The following DPF3 variants were observed in gnomAD, a reference collection of about 807,000 sequenced individuals.
DPF3 encodes the protein zinc finger protein DPF3.
A neutral mutation model predicts 56.8 loss-of-function variants in DPF3; 18 were observed. The observed-to-expected ratio is 0.32, with a 90% CI of 0.22 to 0.47. DPF3 has a LOEUF of 0.47. DPF3 is among the 20% of genes least tolerant of loss of function. The probability of loss-of-function intolerance (pLI) is 1.00; values close to 1 mark genes in which losing one functional copy is unlikely to be tolerated. For synonymous variants in DPF3, 188 were observed against 180.2 expected (o/e 1.04, Z -0.35); for missense variants, 403 against 488.8 (o/e 0.82, Z 1.65).
At chr14:72,723,595 C>T in intron 5 of DPF3, 38 bp downstream of exon 5, 1 of 1,527,706 alleles carries the variant, frequency 6.5e-7, no homozygotes, top group Non-Finnish European at 8.8e-7. Context: ...CCCCAGCCTC[C>T]CTCATCTCTT....
At chr14:72,624,727 A>G (rs1319986235) in intron 9 of DPF3, among the ~76,000 whole-genome samples, 1 of 152,034 alleles carries the variant, frequency 6.6e-6, no homozygotes, top group Non-Finnish European at 1.5e-5. Flanking sequence ...TCAATCTGTG[A>G]CAGTTCCTCA....
intron 6 of DPF3, among the ~76,000 whole-genome samples, chr14:72,711,508 G>T (rs2153575352): frequency 6.6e-6 from 1 of 152,292 alleles, no homozygotes; most frequent in East Asian, 1.9e-4. Flanking sequence ...CAGGGCATAA[G>T]TAAGGAGATA....
In DPF3 at chr14:72,618,058, A is replaced by ATT. The variant is rs564795126; in HGVS notation, c.*1237_*1238dup. Among the ~76,000 whole-genome samples the ATT allele has an allele frequency of 2.0e-3, 300 of 151,222 alleles. No individual in the cohort carries two copies. Among genetic ancestry groups the ATT allele is most frequent in the East Asian group, 3.3e-3 (17 of 5,118 alleles). ...CTCCCCACCTCTTTCTTCTAGACACATTTTTTTTTGAAAACAAGAGTCCTG... is the reference window on the plus strand; with the variant it reads ...CTCCCCACCTCTTTCTTCTAGACACATTTTTTTTTTTGAAAACAAGAGTCCTG... On this transcript the variant is annotated 3_prime_UTR_variant, in exon 11 of 11. Transcript: ENST00000556509.
intron 1 of DPF3, among the ~76,000 whole-genome samples, chr14:72,830,221 C>T (rs1883995109): frequency 6.6e-6 from 1 of 152,182 alleles, no homozygotes; most frequent in Admixed American, 6.5e-5. Context: ...GTTCCTCAAC[C>T]TCAGACCAAT....
intron 2 of DPF3, among the ~76,000 whole-genome samples, chr14:72,756,906 A>AAAAAAAGAAAGAAAGAAAGAAAG (rs1555504019): frequency 1.3e-5 from 1 of 74,660 alleles, no homozygotes; most frequent in Non-Finnish European, 2.6e-5. Flanking sequence ...AGAAAAGAAA[A>AAAAAAAGAAAGAAAGAAAGAAAG]AAAGAAAGAA....
intron 8 of DPF3, among the ~76,000 whole-genome samples, chr14:72,656,282 T>G (rs1300314496): frequency 3.9e-5 from 6 of 152,250 alleles, no homozygotes; most frequent in Non-Finnish European, 7.3e-5. Context: ...GCTGAAGCAT[T>G]GCTTCCCAGA....
Position 72,609,613 on chromosome 14 carries a change from C to T in DPF3, c.*9684G>A, listed in dbSNP as rs567616491. On this transcript the variant is annotated 3_prime_UTR_variant, in exon 11 of 11. Coordinates refer to ENST00000556509, the MANE Select transcript of DPF3 (RefSeq NM_001280542.3). ...CACGAAAGAGTGGGAACCTGACACA[C>T]GTGGGAAGGGCACATCCCCAGAGGA... Among the ~76,000 whole-genome samples, 51 of 152,236 alleles carry T rather than the reference C, an allele frequency of 3.4e-4. No homozygotes were observed. Among genetic ancestry groups the T allele is most frequent in the African/African-American group, 1.1e-3 (45 of 41,546 alleles).
In DPF3 at chr14:72,721,197, A is replaced by G. The variant is rs77774835; in HGVS notation, c.525+2436T>C. On this transcript the variant is annotated intron_variant, in intron 5 of 10. Coordinates refer to ENST00000556509, the MANE Select transcript of DPF3 (RefSeq NM_001280542.3). ...CTCTCTATGTGGTAGCTCTTGTTAT[A>G]CAGAGCCCATCACATTGCCTGGTTT... is the stretch of plus-strand genomic sequence containing the variant. 2.9e-3 allele frequency among the ~76,000 whole-genome samples: 438 copies of G among 152,328 alleles called. 2 individuals carry two copies. The highest frequency in any genetic ancestry group is 4.8e-3 in the Non-Finnish European group (328 of 68,020).
chr14:72,859,123 AG>A (rs1464134381), intron 1 of DPF3, among the ~76,000 whole-genome samples: 4 of 152,212 alleles, frequency 2.6e-5, no homozygotes, highest in Admixed American at 6.5e-5. Flanking sequence ...AATAATTTAC[AG>A]ATAAAATGAT....
At chr14:72,637,213 G>A (rs1885409560) in intron 8 of DPF3, among the ~76,000 whole-genome samples, 2 of 151,942 alleles carry the variant, frequency 1.3e-5, no homozygotes, top group African/African-American at 4.8e-5. Context: ...GGTCAGGTGT[G>A]GTCCAAGGTG....
intron 6 of DPF3, among the ~76,000 whole-genome samples, chr14:72,695,916 T>G (rs11848220): frequency 0.078 from 11,928 of 152,020 alleles, 1,210 homozygotes; most frequent in African/African-American, 0.23. Context: ...ATAAATATTG[T>G]AAAAAAAATA....
intron 8 of DPF3, among the ~76,000 whole-genome samples, chr14:72,651,179 C>T (rs1018081833): frequency 6.6e-6 from 1 of 152,320 alleles, no homozygotes; most frequent in Admixed American, 6.5e-5. Flanking sequence ...GGCCCTGGCC[C>T]CTGAGGGAGG....
In DPF3 at chr14:72,808,874, T is replaced by C. The variant is rs115270966; in HGVS notation, c.33-36981A>G. Among the ~76,000 whole-genome samples the C allele has an allele frequency of 2.7e-3, 417 of 152,302 alleles. 5 individuals carry two copies. Among genetic ancestry groups the C allele is most frequent in the African/African-American group, 9.6e-3 (400 of 41,570 alleles). On this transcript the variant is annotated intron_variant, in intron 1 of 10. Transcript: ENST00000556509. ...AGGAGTCTAGGAGCAATCCTACTAA[T>C]TTGGGTTCTAGCTCCAACCATACTA...
chr14:72,750,394 G>A (rs1406854334), intron 3 of DPF3, among the ~76,000 whole-genome samples: 2 of 152,160 alleles, frequency 1.3e-5, no homozygotes, highest in African/African-American at 4.8e-5. Context: ...GATATAAATT[G>A]TTCTTAACCA....
At chr14:72,858,122 T>C (rs981799032) in intron 1 of DPF3, among the ~76,000 whole-genome samples, 1 of 151,842 alleles carries the variant, frequency 6.6e-6, no homozygotes, top group Non-Finnish European at 1.5e-5. Flanking sequence ...CTGGGCAACA[T>C]GGCGAAACCC....
At chr14:72,862,099 T>C (rs1599504333) in intron 1 of DPF3, among the ~76,000 whole-genome samples, 1 of 152,340 alleles carries the variant, frequency 6.6e-6, no homozygotes, top group Non-Finnish European at 1.5e-5. Context: ...CCCAATGTGC[T>C]TTAAGAATGG....
chr14:72,663,483 T>A (rs1886311427), intron 8 of DPF3, among the ~76,000 whole-genome samples: 1 of 152,198 alleles, frequency 6.6e-6, no homozygotes, highest in Non-Finnish European at 1.5e-5. Context: ...AGTCCTCTAC[T>A]AGCACAGTGA....
At chr14:72,695,888 T>A (rs1413785024) in intron 6 of DPF3, among the ~76,000 whole-genome samples, 2 of 152,238 alleles carry the variant, frequency 1.3e-5, no homozygotes, top group East Asian at 3.9e-4. Flanking sequence ...ATTCATATAT[T>A]CTCTCTTCCT....
At chr14:72,687,554 A>G (rs1012483293) in intron 7 of DPF3, among the ~76,000 whole-genome samples, 8 of 152,178 alleles carry the variant, frequency 5.3e-5, no homozygotes, top group South Asian at 2.1e-4. Flanking sequence ...TTACATTTCC[A>G]TCTTTCCTCT....
Sources: allele counts gnomAD v4.1 joint callset (sites outside exome capture counted in the v4.1 genomes callset), GRCh38; gene constraint gnomAD v4.1.1; transcripts MANE v1.5; gene names NCBI Gene and HGNC (gene_info 2026-07-23, HGNC 2026-07-21).